AFF1: variants seen among roughly 807,000 people sequenced by gnomAD.
AFF1 encodes ALF transcription elongation factor 1, also known as AF4/FMR2 family member 1.
Under a neutral mutation model 121.7 loss-of-function variants are expected in AFF1, and 48 were observed. The observed-to-expected ratio is 0.39, with a 90% CI of 0.31 to 0.50. AFF1 has a LOEUF of 0.50. Among genes scored for constraint, AFF1 ranks in the 20% least tolerant of loss-of-function variants. The pLI, the probability that AFF1 is intolerant of heterozygous loss-of-function variation, is 0.76. For missense variants in AFF1, 1,523 were observed against 1,511.7 expected, an observed-to-expected ratio of 1.01 and a Z score of -0.12; for synonymous variants, 613 against 563.0, an observed-to-expected ratio of 1.09 and a Z score of -1.26.
chr4:87,030,653 T>A (rs1391944274), intron 2 of AFF1, among the ~76,000 whole-genome samples: 1 of 25,968 alleles, frequency 3.9e-5, no homozygotes, highest in Admixed American at 6.2e-4. Flanking sequence ...ACACTGAGCT[T>A]TTTTTTTTTT....
At chr4:87,056,286 A>T (rs541537350) in intron 4 of AFF1, among the ~76,000 whole-genome samples, 2 of 152,208 alleles carry the variant, frequency 1.3e-5, no homozygotes, top group African/African-American at 4.8e-5. Flanking sequence ...TAGAACTCTG[A>T]AAACTCATAT....
chr4:87,132,487 A>T (rs1728927461), intron 19 of AFF1, 79 bp downstream of exon 19: 1 of 1,405,484 alleles, frequency 7.1e-7, no homozygotes, highest in Admixed American at 2.5e-5. Context: ...AACCATTTGT[A>T]TGCTTACATA....
chr4:87,115,169 G>A lies in AFF1; in HGVS notation c.2336G>A (p.Arg779Gln), dbSNP rs377032109. Residue 779 changes from arginine (R) to glutamine (Q), a missense_variant, in exon 12 of 21, where the codon CGG becomes CAG. Physicochemically the swap from Arg to Gln is conservative, Grantham distance 43. This residue lies in a region of AFF1 where 905 missense variants were observed against 842.5 expected (regional missense o/e 1.07). Coordinates refer to ENST00000395146, the MANE Select transcript of AFF1 (RefSeq NM_001166693.3). ...AAGATCACCCTAGACCTGCTCTCTCGGATACCCCAGCCTCCCGGGAAGGGG... is the reference window on the plus strand; with the variant it reads ...AAGATCACCCTAGACCTGCTCTCTCAGATACCCCAGCCTCCCGGGAAGGGG... ...MVKITLDLLSRIPQPPGKGSR... is the reference protein window; with the variant it reads ...MVKITLDLLSQIPQPPGKGSR... 1.9e-5 allele frequency: 30 copies of A among 1,614,016 alleles called. 1 individual carries two copies. Among genetic ancestry groups the A allele is most frequent in the South Asian group, 1.6e-4 (15 of 91,074 alleles).
chr4:86,962,767 A>G (rs1722244162), intron 2 of AFF1, among the ~76,000 whole-genome samples: 1 of 152,238 alleles, frequency 6.6e-6, no homozygotes, highest in Admixed American at 6.5e-5. Flanking sequence ...GAGTTTGGGT[A>G]ATTTGAAATG....
intron 8 of AFF1, among the ~76,000 whole-genome samples, chr4:87,099,746 G>T (rs950687531): frequency 1.3e-5 from 2 of 152,124 alleles, no homozygotes; most frequent in African/African-American, 4.8e-5. Flanking sequence ...TTAGGTACTT[G>T]GAGAAACTGT....
At chr4:87,126,028 T>C (rs1425927658) in intron 13 of AFF1, 71 bp from the exon 14 acceptor site, 1 of 1,459,208 alleles carries the variant, frequency 6.9e-7, no homozygotes, top group Non-Finnish European at 9.6e-7. Flanking sequence ...GCAGCCAGTT[T>C]GTAACTAAAC....
intron 5 of AFF1, among the ~76,000 whole-genome samples, chr4:87,084,415 T>G (rs1723488885): frequency 6.6e-6 from 1 of 151,938 alleles, no homozygotes; most frequent in African/African-American, 2.4e-5. Context: ...TGGTGGCACA[T>G]GCCTGTAGTC....
chr4:87,131,019 G>A, intron 16 of AFF1, 64 bp from the exon 17 acceptor site: 1 of 1,583,896 alleles, frequency 6.3e-7, no homozygotes, highest in Non-Finnish European at 8.6e-7. Flanking sequence ...ACTAAAGAAT[G>A]TGGGTGAGAA....
At chr4:87,019,888 G>GGA (rs1553918034) in intron 2 of AFF1, among the ~76,000 whole-genome samples, 2 of 41,378 alleles carry the variant, frequency 4.8e-5, no homozygotes, top group African/African-American at 9.2e-5. Context: ...AGGGGTCGGG[G>GGA]GGGGGCAGTC....
chr4:86,959,552 T>C (rs1197749109), intron 2 of AFF1, among the ~76,000 whole-genome samples: 1 of 151,702 alleles, frequency 6.6e-6, no homozygotes, highest in African/African-American at 2.4e-5. Flanking sequence ...AATGGGTGCC[T>C]TTTGAACTCA....
At chr4:87,025,240 A>G (rs759038619) in intron 2 of AFF1, among the ~76,000 whole-genome samples, 15 of 152,230 alleles carry the variant, frequency 9.9e-5, no homozygotes, top group Admixed American at 2.0e-4. Context: ...TTCATTAATA[A>G]TGACTCACAG....
chr4:87,115,114 G>T lies in AFF1; in HGVS notation c.2281G>T (p.Asp761Tyr). 1 of 1,614,080 alleles carries T rather than the reference G, an allele frequency of 6.2e-7. No individual in the cohort carries two copies. The highest frequency in any genetic ancestry group is 8.5e-7 in the Non-Finnish European group (1 of 1,180,028). ...RDTKLLSPLR[D>Y]TPPPQSLMVK... ...CACCAAGCTGCTCTCACCGCTCAGG[G>T]ACACTCCTCCCCCACAAAGCTTGAT... The change falls in exon 12 of 21, where the codon GAC (aspartate) becomes TAC (tyrosine). Residue 761 changes from aspartate to tyrosine, a missense_variant. Around this residue, in one of 5 missense-constraint regions of AFF1, gnomAD observed 905 missense variants for 842.5 expected, o/e 1.07. Coordinates refer to ENST00000395146, the MANE Select transcript of AFF1 (RefSeq NM_001166693.3).
At chr4:87,083,202 G>A (rs2149701022) in intron 4 of AFF1, among the ~76,000 whole-genome samples, 1 of 152,182 alleles carries the variant, frequency 6.6e-6, no homozygotes, top group African/African-American at 2.4e-5. Flanking sequence ...TCATTCCCTA[G>A]GCACTGTCTG....
At chr4:86,970,128 G>A (rs913576062) in intron 2 of AFF1, among the ~76,000 whole-genome samples, 2 of 151,918 alleles carry the variant, frequency 1.3e-5, no homozygotes, top group Non-Finnish European at 2.9e-5. Context: ...AAAATTATAC[G>A]TGGAAGGGTA....
At chr4:87,078,555 G>A (rs1165041346) in intron 4 of AFF1, among the ~76,000 whole-genome samples, 4 of 152,136 alleles carry the variant, frequency 2.6e-5, no homozygotes, top group Non-Finnish European at 4.4e-5. Context: ...TGGGAGTAAG[G>A]GAGCATCAGG....
chr4:87,036,319 A>G (rs987311901), intron 2 of AFF1, among the ~76,000 whole-genome samples: 1 of 152,192 alleles, frequency 6.6e-6, no homozygotes, highest in East Asian at 1.9e-4. Context: ...AGTAACATCA[A>G]TACGCTGACA....
chr4:87,126,065 C>T (rs1225001995), intron 13 of AFF1, 34 bp from the exon 14 acceptor site: 13 of 1,599,434 alleles, frequency 8.1e-6, no homozygotes, highest in Admixed American at 1.7e-5. Context: ...GTGTACTTTG[C>T]CTCCTCTTAG....
At chr4:86,973,359 G>C (rs1723075984) in intron 2 of AFF1, among the ~76,000 whole-genome samples, 1 of 152,188 alleles carries the variant, frequency 6.6e-6, no homozygotes, top group Non-Finnish European at 1.5e-5. Flanking sequence ...TGAGGTTTCG[G>C]TGTGGTGTAC....
At chr4:86,976,701 C>G (rs1372908424) in intron 2 of AFF1, among the ~76,000 whole-genome samples, 1 of 152,114 alleles carries the variant, frequency 6.6e-6, no homozygotes, top group Non-Finnish European at 1.5e-5. Context: ...CACCAAGCTC[C>G]CACAACATGC....
Sources: allele counts gnomAD v4.1 joint callset (sites outside exome capture counted in the v4.1 genomes callset), GRCh38; gene constraint gnomAD v4.1.1; regional missense constraint gnomAD v4.1.1; transcripts MANE v1.5; gene names NCBI Gene and HGNC (gene_info 2026-07-23, HGNC 2026-07-21).